CHRNB2: variants seen among roughly 807,000 people sequenced by gnomAD.
The protein encoded by CHRNB2 is cholinergic receptor nicotinic beta 2 subunit, also known as neuronal acetylcholine receptor subunit beta-2.
A neutral mutation model predicts 42.7 loss-of-function variants in CHRNB2; 33 were observed. The ratio of observed to expected loss-of-function variants is 0.77; its 90% CI spans 0.59 to 1.03. CHRNB2 has a LOEUF of 1.03. Among genes scored for constraint, CHRNB2 ranks in the 50% least tolerant of loss-of-function variants. The pLI is 0.00. For synonymous variants in CHRNB2, 325 were observed against 292.9 expected, an observed-to-expected ratio of 1.11 and a Z score of -1.12; for missense variants, 603 against 700.9, an observed-to-expected ratio of 0.86 and a Z score of 1.58.
rs1696284843 is a variant in CHRNB2 at position 154,576,600 on chromosome 1, A to C, written c.*668A>C. On this transcript the variant is annotated 3_prime_UTR_variant, in exon 6 of 6. Transcript: ENST00000368476. ...TGCTCCAGATCCTCTTTCCCCACTG[A>C]AGAATTCTGCACCCTCTGGACTTCC... The C allele has an allele frequency of 6.2e-6, 1 of 160,490 alleles. No individual in the cohort carries two copies. Among genetic ancestry groups the C allele is most frequent in the Non-Finnish European group, 1.4e-5 (1 of 72,910 alleles). 9.9% of individuals were successfully genotyped at this position (160,490 alleles called of 1,614,324 possible). A position where few individuals can be genotyped will look rare whatever the true frequency, so the allele number is the denominator to read the frequency against.
At chr1:154,569,974 A>G (rs1382948638) in intron 3 of CHRNB2, 138 bp downstream of exon 3, 9 of 949,272 alleles carry the variant, frequency 9.5e-6, no homozygotes, top group South Asian at 2.9e-5. Context: ...TTGGATTTGA[A>G]TCTTGGCACT....
intron 2 of CHRNB2, 49 bp from the exon 3 acceptor site, chr1:154,569,743 A>AC: frequency 6.2e-7 from 1 of 1,613,322 alleles, no homozygotes; most frequent in South Asian, 1.1e-5. Context: ...GGTGGCAGTG[A>AC]CCCCACAGGC....
chr1:154,573,066 G>A (rs1696208630), intron 5 of CHRNB2, among the ~76,000 whole-genome samples: 1 of 152,204 alleles, frequency 6.6e-6, no homozygotes, highest in African/African-American at 2.4e-5. Context: ...TCTGGCTGGG[G>A]GATGAAGAAG....
intron 5 of CHRNB2, 23 bp from the exon 6 acceptor site, chr1:154,575,739 C>T: frequency 1.2e-6 from 2 of 1,613,862 alleles, no homozygotes; most frequent in South Asian, 1.1e-5. Context: ...GTGACCTGGG[C>T]CTCCTCCGTC....
chr1:154,567,903 A>G lies in CHRNB2; in HGVS notation c.-142A>G, dbSNP rs1433108010. On this transcript the variant is annotated 5_prime_UTR_variant, in exon 1 of 6. Coordinates refer to ENST00000368476, the MANE Select transcript of CHRNB2 (RefSeq NM_000748.3). ...CGCAGCCGGCTCCCTGAGGCCCAGG[A>G]ACCACCGCGGCGGCCGGCACCACCT... is the stretch of plus-strand genomic sequence containing the variant. 1.9e-5 allele frequency: 12 copies of G among 645,422 alleles called. No individual in the cohort carries two copies. The highest frequency in any genetic ancestry group is 4.7e-6 in the Non-Finnish European group (2 of 423,792). 40.0% of individuals were successfully genotyped at this position (645,422 alleles called of 1,614,324 possible). A position where few individuals can be genotyped will look rare whatever the true frequency, so the allele number is the denominator to read the frequency against.
Position 154,572,179 on chromosome 1 carries a change from G to A in CHRNB2, c.1338+18G>A. 6.5e-7 allele frequency: 1 copy of A among 1,535,904 alleles called. No homozygotes were observed. The highest frequency in any genetic ancestry group is 8.7e-7 in the Non-Finnish European group (1 of 1,146,474). ...ACCAGAGCGTGAGTGCCGCAGGCTG[G>A]GACCCCGGGCGTGAGATATGGGGTC... On this transcript the variant is annotated intron_variant, in intron 5 of 5. Coordinates refer to ENST00000368476, the MANE Select transcript of CHRNB2 (RefSeq NM_000748.3).
rs565312414 is a variant in CHRNB2 at position 154,571,263 on chromosome 1, C to T, written c.440C>T (p.Pro147Leu). The T allele has an allele frequency of 1.9e-6, 3 of 1,614,218 alleles. No homozygotes were observed. Among genetic ancestry groups the T allele is most frequent in the Non-Finnish European group, 1.7e-6 (2 of 1,180,042 alleles). ...VSYDGSIFWL[P>L]PAIYKSACKI... The stretch of plus-strand genomic sequence containing the variant: ...TATGATGGCAGCATCTTCTGGCTGC[C>T]GCCTGCCATCTACAAGAGCGCATGC... Residue 147 changes from proline to leucine, a missense_variant, in exon 5 of 6, where the codon CCG becomes CTG. Pro to Leu is a moderately conservative substitution (Grantham distance 98). Transcript: ENST00000368476. The surrounding 1 kb of genome is among the most constrained non-coding windows in gnomAD (Gnocchi z 6.8).
chr1:154,575,713 T>A (rs1376952948), intron 5 of CHRNB2, 49 bp from the exon 6 acceptor site: 3 of 1,604,936 alleles, frequency 1.9e-6, no homozygotes, highest in Non-Finnish European at 2.6e-6. Context: ...CTCGTTTGTC[T>A]CCCATCCTGC....
Position 154,569,509 on chromosome 1 carries a change from G to T in CHRNB2, c.112G>T (p.Asp38Tyr). The T allele has an allele frequency of 6.2e-7, 1 of 1,613,906 alleles. No individual in the cohort carries two copies. The highest frequency in any genetic ancestry group is 8.5e-7 in the Non-Finnish European group (1 of 1,179,966). ...GGAGCGGCTGGTGGAGCATCTCCTG[G>T]ATCCTTCCCGCTACAACAAGCTTAT... ...TEERLVEHLL[D>Y]PSRYNKLIRP... is the part of the protein sequence containing the mutation. The change falls in exon 2 of 6, where the codon GAT becomes TAT. Residue 38 changes from aspartate to tyrosine, a missense_variant. Physicochemically the swap from Asp to Tyr is radical, Grantham distance 160. Coordinates refer to ENST00000368476, the MANE Select transcript of CHRNB2 (RefSeq NM_000748.3).
chr1:154,570,083 A>C (rs1696134366), intron 3 of CHRNB2, among the ~76,000 whole-genome samples, 175 bp from the exon 4 acceptor site: 1 of 152,162 alleles, frequency 6.6e-6, no homozygotes, highest in Non-Finnish European at 1.5e-5. Flanking sequence ...AGCTGTGCAA[A>C]TTAAATGAGA....
Position 154,576,126 on chromosome 1 carries a change from A to G in CHRNB2, c.*194A>G, listed in dbSNP as rs2101527913. The stretch of plus-strand genomic sequence containing the variant: ...CAGCTCCAACCTGGAGGCTGGACCA[A>G]CTGCTTTGTTTTGGCTGCTCTCCAT... On this transcript the variant is annotated 3_prime_UTR_variant, in exon 6 of 6. Transcript: ENST00000368476. The G allele has an allele frequency of 3.0e-6, 2 of 670,366 alleles. No homozygotes were observed. The highest frequency in any genetic ancestry group is 1.7e-5 in the South Asian group (1 of 57,800). The allele number at this position is 670,366 out of a possible 1,614,324, so 41.5% of individuals were successfully genotyped here.
intron 5 of CHRNB2, among the ~76,000 whole-genome samples, chr1:154,573,239 T>A (rs1030080339): frequency 4.6e-5 from 7 of 152,218 alleles, no homozygotes; most frequent in Non-Finnish European, 7.3e-5. Flanking sequence ...CTCAGCAGGC[T>A]GTGGTTACCG....
At position 154,571,478 on chromosome 1, in the gene CHRNB2, T is replaced by A; in HGVS notation, c.655T>A (p.Ser219Thr). 6.2e-7 allele frequency: 1 copy of A among 1,614,056 alleles called. No individual in the cohort carries two copies. Among genetic ancestry groups the A allele is most frequent in the East Asian group, 2.2e-5 (1 of 44,874 alleles). Residue 219 changes from serine to threonine, a missense_variant, in exon 5 of 6, where the codon TCT becomes ACT. This residue lies in a region of CHRNB2 where 333 missense variants were observed against 452.6 expected (regional missense o/e 0.74). Transcript: ENST00000368476. This position sits in a 1 kb window ranked among gnomAD's most constrained non-coding sequence, Gnocchi z 6.8. ...PGRRNENPDD[S>T]TYVDITYDFI... is the part of the protein sequence containing the mutation. Reference sequence around the variant, plus strand: ...CCGGCGCAACGAGAACCCCGACGACTCTACGTACGTGGACATCACGTATGA... The same window carrying A: ...CCGGCGCAACGAGAACCCCGACGACACTACGTACGTGGACATCACGTATGA...
At chr1:154,572,595 G>T (rs1205844369) in intron 5 of CHRNB2, among the ~76,000 whole-genome samples, 27 of 152,026 alleles carry the variant, frequency 1.8e-4, no homozygotes, top group Admixed American at 1.6e-3. Flanking sequence ...TGAGTCTTTT[G>T]TGCACCACAC....
In CHRNB2 at chr1:154,579,505, C is replaced by T. The variant is rs939763649; in HGVS notation, c.*3573C>T. 6.6e-6 allele frequency: 1 copy of T among 152,348 alleles called. No homozygotes were observed. The highest frequency in any genetic ancestry group is 6.5e-5 in the Admixed American group (1 of 15,290). The allele number at this position is 152,348 out of a possible 1,614,324, so 9.4% of individuals were successfully genotyped here. ...AGCCTTCTCTGAATCACTCCCCAAG[C>T]CAGAGTAGACCTGGTTCCAGTTGTC... On this transcript the variant is annotated 3_prime_UTR_variant, in exon 6 of 6. Transcript: ENST00000368476.
chr1:154,574,945 TGAG>T (rs1173192155), intron 5 of CHRNB2, among the ~76,000 whole-genome samples: 1 of 152,210 alleles, frequency 6.6e-6, no homozygotes, highest in Admixed American at 6.5e-5. Context: ...AGAGCAGCTC[TGAG>T]GAGATGCTGG....
chr1:154,570,155 TA>T, intron 3 of CHRNB2, 102 bp from the exon 4 acceptor site: 1 of 808,226 alleles, frequency 1.2e-6, no homozygotes, highest in Non-Finnish European at 2.1e-6. Flanking sequence ...GGCTGGCTTT[TA>T]AAAGGTCCCT....
In CHRNB2 at chr1:154,571,969, A is replaced by T; in HGVS notation, c.1146A>T (p.Pro382=). 6.5e-7 allele frequency: 1 copy of T among 1,540,442 alleles called. No homozygotes were observed. The highest frequency in any genetic ancestry group is 8.7e-7 in the Non-Finnish European group (1 of 1,148,068). ...GAGALFFREA[P]GADSCTCFVN... The stretch of plus-strand genomic sequence containing the variant: ...GAGCCCTCTTCTTCCGCGAAGCCCC[A>T]GGGGCCGACTCCTGCACGTGCTTCG... The change falls in exon 5 of 6, where the codon CCA becomes CCT. Residue 382 remains proline (P), a synonymous_variant. Coordinates refer to ENST00000368476, the MANE Select transcript of CHRNB2 (RefSeq NM_000748.3). The surrounding 1 kb of genome is among the most constrained non-coding windows in gnomAD (Gnocchi z 6.8).
chr1:154,575,801 C>G lies in CHRNB2; in HGVS notation c.1378C>G (p.Arg460Gly), dbSNP rs202079239. The change falls in exon 6 of 6, where the codon CGC (arginine) becomes GGC (glycine). Residue 460 changes from arginine (R) to glycine (G), a missense_variant. Physicochemically the swap from Arg to Gly is moderately radical, Grantham distance 125. Transcript: ENST00000368476. ...GAAGTACGTCGCCATGGTGATCGAC[C>G]GCCTCTTCCTCTGGATCTTTGTCTT... is the stretch of plus-strand genomic sequence containing the variant. Reference protein sequence around the residue: ...DWKYVAMVIDRLFLWIFVFVC... With the variant: ...DWKYVAMVIDGLFLWIFVFVC... 4.6e-4 allele frequency: 735 copies of G among 1,614,114 alleles called. No homozygotes were observed. The highest frequency in any genetic ancestry group is 4.8e-4 in the Non-Finnish European group (563 of 1,180,026).
Sources: gnomAD v4.1 joint callset for allele counts (sites outside exome capture counted in the v4.1 genomes callset) on GRCh38, gnomAD v4.1.1 for gene constraint, gnomAD v4.1.1 regional missense constraint, Gnocchi (gnomAD v3.1) non-coding constraint, MANE v1.5 for transcripts, NCBI Gene and HGNC (gene_info 2026-07-23, HGNC 2026-07-21) for gene names.